Variants in ZC2HC1B observed in about 807,000 individuals in gnomAD.
ZC2HC1B encodes zinc finger C2HC-type containing 1B.
ZC2HC1B carries 36 observed loss-of-function variants against 31.0 expected under a neutral mutation model. That is an observed-to-expected ratio of 1.16 (90% CI 0.89 to 1.54). ZC2HC1B has a LOEUF of 1.54. Ranked by LOEUF, ZC2HC1B falls within the 40% of genes most tolerant of loss-of-function variation. The probability of loss-of-function intolerance (pLI) is 0.00; values close to 1 mark genes in which losing one functional copy is unlikely to be tolerated. For synonymous variants in ZC2HC1B, 73 were observed against 88.0 expected (o/e 0.83, Z 0.95); for missense variants, 260 against 268.6 (o/e 0.97, Z 0.22).
chr6:143,904,493 C>T (rs1777771680), intron 6 of ZC2HC1B, among the ~76,000 whole-genome samples: 1 of 152,134 alleles, frequency 6.6e-6, no homozygotes, highest in African/African-American at 2.4e-5. Context: ...TCCCAAGTAC[C>T]CAGGACTATA....
Position 143,905,904 on chromosome 6 carries a change from C to T in ZC2HC1B, c.598+2752C>T, listed in dbSNP as rs1203688532. On this transcript the variant is annotated intron_variant, in intron 6 of 7. Transcript: ENST00000237275. This position sits in a 1 kb window ranked among gnomAD's most constrained non-coding sequence, Gnocchi z 4.2. The stretch of plus-strand genomic sequence containing the variant: ...ATCCCTGTATCCCAGGAACAAATCT[C>T]ACATGGTCATGGTGTATAATCCTTT... 1.3e-5 allele frequency among the ~76,000 whole-genome samples: 2 copies of T among 152,140 alleles called. No homozygotes were observed. The highest frequency in any genetic ancestry group is 2.9e-5 in the Non-Finnish European group (2 of 68,022).
At chr6:143,935,619 C>A (rs7773026) in intron 6 of ZC2HC1B, among the ~76,000 whole-genome samples, 3,249 of 136,478 alleles carry the variant, frequency 0.024, 112 homozygotes, top group African/African-American at 0.077. Context: ...GATTGACAAT[C>A]AGTAGTTTAG....
At chr6:143,902,265 G>A (rs1777746150) in intron 5 of ZC2HC1B, among the ~76,000 whole-genome samples, 1 of 152,198 alleles carries the variant, frequency 6.6e-6, no homozygotes. Context: ...CAGTTTTGAA[G>A]GGCTGTTAAC....
intron 4 of ZC2HC1B, among the ~76,000 whole-genome samples, chr6:143,891,787 T>C (rs1361190229): frequency 6.6e-6 from 1 of 151,838 alleles, no homozygotes; most frequent in East Asian, 1.9e-4. Flanking sequence ...GAATAGGCAA[T>C]ATAGTTTTTA....
intron 7 of ZC2HC1B, 139 bp downstream of exon 7, chr6:143,937,872 C>G: frequency 1.7e-6 from 1 of 590,942 alleles, no homozygotes; most frequent in Non-Finnish European, 3.0e-6. Context: ...GCTCTTGAAA[C>G]TGACTCTGCT....
Position 143,933,455 on chromosome 6 carries a change from C to T in ZC2HC1B, c.599-4194C>T, listed in dbSNP as rs1778145021. 6.6e-6 allele frequency among the ~76,000 whole-genome samples: 1 copy of T among 152,060 alleles called. No individual in the cohort carries two copies. Among genetic ancestry groups the T allele is most frequent in the Admixed American group, 6.5e-5 (1 of 15,268 alleles). ...ATTGGACCGGGTAGAGAAATACTAT[C>T]AGGTGCAGGCAGGATTAGGTAGGTT... On this transcript the variant is annotated intron_variant, in intron 6 of 7. Transcript: ENST00000237275. This position sits in a 1 kb window ranked among gnomAD's most constrained non-coding sequence, Gnocchi z 6.4.
chr6:143,890,673 C>T (rs1390299080), intron 4 of ZC2HC1B, among the ~76,000 whole-genome samples: 1 of 152,092 alleles, frequency 6.6e-6, no homozygotes, highest in Non-Finnish European at 1.5e-5. Context: ...AGATGTAAAA[C>T]TATCTTTATT....
intron 4 of ZC2HC1B, among the ~76,000 whole-genome samples, chr6:143,894,929 C>G (rs761354606): frequency 6.6e-6 from 1 of 152,106 alleles, no homozygotes; most frequent in Non-Finnish European, 1.5e-5. Flanking sequence ...AAAAAAATTC[C>G]TTTTGTAAGT....
chr6:143,881,643 C>T (rs912434745), intron 1 of ZC2HC1B: 5 of 151,084 alleles, frequency 3.3e-5, no homozygotes, highest in African/African-American at 4.9e-5. Context: ...TTTGTTTAAC[C>T]GTTCACCTAC....
intron 6 of ZC2HC1B, among the ~76,000 whole-genome samples, chr6:143,909,462 G>A (rs1039831227): frequency 6.7e-6 from 1 of 150,300 alleles, no homozygotes; most frequent in African/African-American, 2.4e-5. Flanking sequence ...AATAGTTTCA[G>A]TAGAAATAGT....
chr6:143,910,032 T>C (rs1332578379), intron 6 of ZC2HC1B, among the ~76,000 whole-genome samples: 1 of 152,234 alleles, frequency 6.6e-6, no homozygotes, highest in African/African-American at 2.4e-5. Context: ...AGCTTTTCGA[T>C]GTGGGCATTT....
intron 6 of ZC2HC1B, among the ~76,000 whole-genome samples, chr6:143,914,597 T>C (rs1174927289): frequency 1.3e-5 from 2 of 152,214 alleles, no homozygotes; most frequent in East Asian, 1.9e-4. Flanking sequence ...TTTATTGTAT[T>C]AAATCTTCTA....
chr6:143,874,160 G>A (rs561580938), intron 1 of ZC2HC1B, among the ~76,000 whole-genome samples: 25 of 152,202 alleles, frequency 1.6e-4, no homozygotes, highest in African/African-American at 3.6e-4. Flanking sequence ...AGGGCGGGGC[G>A]AAATGCCATC....
Position 143,899,917 on chromosome 6 carries a change from GGAA to G in ZC2HC1B, c.489+1234_489+1236del, listed in dbSNP as rs555466779. On this transcript the variant is annotated intron_variant, in intron 5 of 7. Coordinates refer to ENST00000237275, the MANE Select transcript of ZC2HC1B (RefSeq NM_001013623.3). This position sits in a 1 kb window ranked among gnomAD's most constrained non-coding sequence, Gnocchi z 5.0. ...CAGTTGGCATATATAGGAGAGCTAT[GGAA>G]GAAGAAGTCACTGCAATTCCTGGAA... 3.7e-4 allele frequency among the ~76,000 whole-genome samples: 56 copies of G among 152,326 alleles called. No homozygotes were observed. The highest frequency in any genetic ancestry group is 3.7e-3 in the East Asian group (19 of 5,184).
chr6:143,870,488 A>T lies in ZC2HC1B; in HGVS notation c.28+5921A>T, dbSNP rs2128493038. 6.6e-6 allele frequency among the ~76,000 whole-genome samples: 1 copy of T among 152,166 alleles called. No homozygotes were observed. The highest frequency in any genetic ancestry group is 1.9e-4 in the East Asian group (1 of 5,168). ...TTTGAGCCACTTCCTCATGTAACTT[A>T]CTTGTGCCTTTAGGACCTGCTTGAG... On this transcript the variant is annotated intron_variant, in intron 1 of 7. Transcript: ENST00000237275. The surrounding 1 kb of genome is among the most constrained non-coding windows in gnomAD (Gnocchi z 4.7).
intron 4 of ZC2HC1B, among the ~76,000 whole-genome samples, chr6:143,897,068 A>G (rs1582961704): frequency 6.6e-6 from 1 of 152,096 alleles, no homozygotes; most frequent in South Asian, 2.1e-4. Flanking sequence ...GTGCTTAACA[A>G]TTGTTACATC....
At position 143,870,254 on chromosome 6, in the gene ZC2HC1B, G is replaced by C. The variant is rs931870037; in HGVS notation, c.28+5687G>C. On this transcript the variant is annotated intron_variant, in intron 1 of 7. Coordinates refer to ENST00000237275, the MANE Select transcript of ZC2HC1B (RefSeq NM_001013623.3). The surrounding 1 kb of genome is among the most constrained non-coding windows in gnomAD (Gnocchi z 4.7). ...AAAATTTTCCCTCACCACTTTCAGG[G>C]ATGTCCTAGGAAGGGGCTGTCCTTC... Among the ~76,000 whole-genome samples, 1 of 152,182 alleles carries C rather than the reference G, an allele frequency of 6.6e-6. No homozygotes were observed. The highest frequency in any genetic ancestry group is 2.4e-5 in the African/African-American group (1 of 41,450).
intron 6 of ZC2HC1B, among the ~76,000 whole-genome samples, chr6:143,926,989 G>A (rs1055052162): frequency 4.6e-5 from 6 of 131,448 alleles, no homozygotes; most frequent in Non-Finnish European, 9.6e-5. Context: ...TAGTAGAGAC[G>A]GGGTTTCACC....
intron 6 of ZC2HC1B, among the ~76,000 whole-genome samples, chr6:143,904,095 G>A (rs1193821464): frequency 6.6e-6 from 1 of 152,132 alleles, no homozygotes; most frequent in African/African-American, 2.4e-5. Context: ...GACTTATGAG[G>A]TTAAGCCTCT....
Sources: gnomAD v4.1 joint callset for allele counts (sites outside exome capture counted in the v4.1 genomes callset) on GRCh38, gnomAD v4.1.1 for gene constraint, Gnocchi (gnomAD v3.1) non-coding constraint, MANE v1.5 for transcripts, NCBI Gene and HGNC (gene_info 2026-07-23, HGNC 2026-07-21) for gene names.